The following TBC1D4 variants were observed in gnomAD, a reference collection of about 807,000 sequenced individuals.
TBC1D4 encodes TBC (Tre-2, BUB2, CDC16) domain-containing protein.
In TBC1D4, 121 loss-of-function variants were observed where a neutral mutation model predicts 142.5. The observed-to-expected ratio is 0.85, with a 90% CI of 0.73 to 0.99. TBC1D4 has a LOEUF of 0.99. Ranked by LOEUF, TBC1D4 falls within the 50% of genes least tolerant of loss-of-function variation. The pLI is 0.00. For synonymous variants in TBC1D4, 630 were observed against 628.2 expected (o/e 1.00, Z -0.04); for missense variants, 1,475 against 1,606.6 (o/e 0.92, Z 1.40).
rs202234772 is a variant in TBC1D4 at position 75,362,370 on chromosome 13, G to C, written c.736C>G (p.Pro246Ala). ...TCAGCCAGGTCCTCTCCTGGGTCCG[G>C]ACCGCGCTGCTCCCCTTGGATCTTC... Reference protein sequence around the residue: ...RLKIQGEQRGPDPGEDLADLE... With the variant: ...RLKIQGEQRGADPGEDLADLE... The change falls in exon 2 of 21, where the codon CCG becomes GCG. Residue 246 changes from proline (P) to alanine (A), a missense_variant. Transcript: ENST00000377636. The surrounding 1 kb of genome is among the most constrained non-coding windows in gnomAD (Gnocchi z 4.2). 58 of 1,614,090 alleles carry C rather than the reference G, an allele frequency of 3.6e-5. No homozygotes were observed. Among genetic ancestry groups the C allele is most frequent in the Non-Finnish European group, 1.7e-5 (20 of 1,180,056 alleles).
At position 75,481,582 on chromosome 13, in the gene TBC1D4, G is replaced by A; in HGVS notation, c.186C>T (p.Ile62=). Residue 62 remains isoleucine, a synonymous_variant, in exon 1 of 21, where the codon ATC becomes ATT. Coordinates refer to ENST00000377636, the MANE Select transcript of TBC1D4 (RefSeq NM_014832.5). ...LPMLPWLMAE[I]RRRSQKPEAG... Reference sequence around the variant, plus strand: ...CCTCGGGCTTCTGGCTGCGCCTGCGGATCTCGGCCATGAGCCAGGGCAGCA... The same window carrying A: ...CCTCGGGCTTCTGGCTGCGCCTGCGAATCTCGGCCATGAGCCAGGGCAGCA... The A allele has an allele frequency of 6.2e-7, 1 of 1,604,906 alleles. No individual in the cohort carries two copies. Among genetic ancestry groups the A allele is most frequent in the African/African-American group, 1.3e-5 (1 of 74,696 alleles).
chr13:75,468,200 G>A (rs551304480), intron 1 of TBC1D4, among the ~76,000 whole-genome samples: 1 of 152,216 alleles, frequency 6.6e-6, no homozygotes, highest in Admixed American at 6.5e-5. Context: ...CGGAAGAGTG[G>A]GGTCCAGAGC....
In TBC1D4 at chr13:75,475,867, A is replaced by AT. The variant is rs560956402; in HGVS notation, c.498+5402dup. ...GGAACAGAAGTGTTTCAGATTTTGA[A>AT]TTTTTTTTTCAGATTTTGGAATATT... On this transcript the variant is annotated intron_variant, in intron 1 of 20. Coordinates refer to ENST00000377636, the MANE Select transcript of TBC1D4 (RefSeq NM_014832.5). Among the ~76,000 whole-genome samples the AT allele has an allele frequency of 3.5e-3, 527 of 151,778 alleles. 1 individual carries two copies. The highest frequency in any genetic ancestry group is 6.2e-3 in the Non-Finnish European group (421 of 67,910).
intron 1 of TBC1D4, among the ~76,000 whole-genome samples, chr13:75,408,202 T>C (rs1885433969): frequency 6.6e-6 from 1 of 152,248 alleles, no homozygotes; most frequent in Admixed American, 6.5e-5. Flanking sequence ...AATGATGTCA[T>C]ATTAATATGT....
intron 13 of TBC1D4, among the ~76,000 whole-genome samples, chr13:75,311,524 C>T (rs1877750081): frequency 6.6e-6 from 1 of 152,022 alleles, no homozygotes; most frequent in African/African-American, 2.4e-5. Context: ...GGCTCTCTTA[C>T]TAGCTTTTTG....
At chr13:75,402,234 A>G (rs970960812) in intron 1 of TBC1D4, among the ~76,000 whole-genome samples, 7 of 152,190 alleles carry the variant, frequency 4.6e-5, no homozygotes, top group African/African-American at 1.7e-4. Context: ...CATAAGATAT[A>G]TTATCAAATA....
At chr13:75,300,189 T>C (rs1035197913) in intron 16 of TBC1D4, among the ~76,000 whole-genome samples, 5 of 152,200 alleles carry the variant, frequency 3.3e-5, no homozygotes, top group Non-Finnish European at 5.9e-5. Flanking sequence ...ACTTTTCTTT[T>C]TCAATATCTA....
chr13:75,335,019 C>A (rs998845283), intron 8 of TBC1D4, among the ~76,000 whole-genome samples: 1 of 118,632 alleles, frequency 8.4e-6, no homozygotes, highest in African/African-American at 2.9e-5. Context: ...CTCATCCCAC[C>A]CAGGCTGTGC....
intron 1 of TBC1D4, among the ~76,000 whole-genome samples, chr13:75,451,884 C>T (rs1281337608): frequency 6.6e-6 from 1 of 151,622 alleles, no homozygotes; most frequent in Non-Finnish European, 1.5e-5. Context: ...ATTGTTTTGA[C>T]ACTTGGCTGT....
chr13:75,375,021 G>T (rs1883423619), intron 1 of TBC1D4, among the ~76,000 whole-genome samples: 2 of 152,092 alleles, frequency 1.3e-5, no homozygotes, highest in African/African-American at 4.8e-5. Flanking sequence ...CAGGTAAAGA[G>T]GTGCAACTGG....
intron 5 of TBC1D4, among the ~76,000 whole-genome samples, chr13:75,348,954 A>AGAGAGAGAGT (rs969343152): frequency 2.2e-5 from 3 of 139,084 alleles, no homozygotes; most frequent in Admixed American, 7.2e-5. Flanking sequence ...AGAGAGAGAG[A>AGAGAGAGAGT]GTGTGTGTGT....
rs374789087 is a variant in TBC1D4 at position 75,447,596 on chromosome 13, T to TACAC, written c.498+33670_498+33673dup. ...TGCACACATATACGTATACTTTATA[T>TACAC]ACACACACACACATATATAAAAACA... On this transcript the variant is annotated intron_variant, in intron 1 of 20. Coordinates refer to ENST00000377636, the MANE Select transcript of TBC1D4 (RefSeq NM_014832.5). 4.3e-3 allele frequency among the ~76,000 whole-genome samples: 646 copies of TACAC among 151,554 alleles called. 8 individuals carry two copies. Among genetic ancestry groups the TACAC allele is most frequent in the African/African-American group, 0.014 (571 of 41,270 alleles).
chr13:75,315,898 A>G (rs2137959870), intron 12 of TBC1D4, among the ~76,000 whole-genome samples: 1 of 152,282 alleles, frequency 6.6e-6, no homozygotes, highest in Non-Finnish European at 1.5e-5. Context: ...GTTGTTAATA[A>G]ACAACAAAAA....
rs1877913312 is a variant in TBC1D4, at chr13:75,312,803, C to T, written c.2318G>A (p.Arg773Gln). The T allele has an allele frequency of 1.9e-6, 3 of 1,614,160 alleles. No individual in the cohort carries two copies. The highest frequency in any genetic ancestry group is 1.7e-6 in the Non-Finnish European group (2 of 1,180,028). The change falls in exon 13 of 21, where the codon CGG becomes CAG. Residue 773 changes from arginine (R) to glutamine (Q), a missense_variant. Coordinates refer to ENST00000377636, the MANE Select transcript of TBC1D4 (RefSeq NM_014832.5). ...TSVTPRRISWRQRIFLRVASP... is the reference protein window; with the variant it reads ...TSVTPRRISWQQRIFLRVASP... Reference sequence around the variant, plus strand: ...AGCAACCCTGAGGAAAATGCGCTGCCGCCAGGAGATCCGGCGAGGAGTGAC... The same window carrying T: ...AGCAACCCTGAGGAAAATGCGCTGCTGCCAGGAGATCCGGCGAGGAGTGAC...
At chr13:75,330,417 C>T (rs1879650409) in intron 8 of TBC1D4, among the ~76,000 whole-genome samples, 2 of 152,318 alleles carry the variant, frequency 1.3e-5, no homozygotes, top group Admixed American at 1.3e-4. Flanking sequence ...TTAATAGCTG[C>T]ACCTAATATT....
intron 17 of TBC1D4, among the ~76,000 whole-genome samples, chr13:75,297,604 A>G (rs1876074332): frequency 1.3e-5 from 2 of 151,996 alleles, no homozygotes; most frequent in Admixed American, 1.3e-4. Flanking sequence ...AAAATACAAA[A>G]AATTTAGCAG....
rs574559271 is a variant in TBC1D4 at position 75,310,535 on chromosome 13, G to A, written c.2384-384C>T. ...TCAGTGATCTCCGAAGGTCTACATC[G>A]ATCATCAGAATCCGTCAGGAGCATA... On this transcript the variant is annotated intron_variant, in intron 13 of 20. Coordinates refer to ENST00000377636, the MANE Select transcript of TBC1D4 (RefSeq NM_014832.5). Among the ~76,000 whole-genome samples the A allele has an allele frequency of 1.8e-4, 27 of 152,326 alleles. No homozygotes were observed. In the South Asian group the frequency reaches 4.8e-3, roughly 27 times the overall value.
chr13:75,421,442 G>C (rs1380972875), intron 1 of TBC1D4, among the ~76,000 whole-genome samples: 1 of 152,200 alleles, frequency 6.6e-6, no homozygotes, highest in African/African-American at 2.4e-5. Flanking sequence ...CCTGATGGGA[G>C]AGACTCCTTA....
At chr13:75,379,885 C>CTTTTT (rs1883718060) in intron 1 of TBC1D4, among the ~76,000 whole-genome samples, 1 of 98,536 alleles carries the variant, frequency 1.0e-5, no homozygotes, top group Non-Finnish European at 2.0e-5. Context: ...GTTCATCTGA[C>CTTTTT]TCTTTTTTTT....
Sources: gnomAD v4.1 joint callset for allele counts (sites outside exome capture counted in the v4.1 genomes callset) on GRCh38, gnomAD v4.1.1 for gene constraint, Gnocchi (gnomAD v3.1) non-coding constraint, MANE v1.5 for transcripts, NCBI Gene and HGNC (gene_info 2026-07-23, HGNC 2026-07-21) for gene names.